The following ZNF469 variants were observed in gnomAD, a reference collection of about 807,000 sequenced individuals.
ZNF469 encodes the protein zinc finger protein 469.
In ZNF469, 1 loss-of-function variant was observed where a neutral mutation model predicts 1.0. That is an observed-to-expected ratio of 1.00 (90% CI 0.35 to 4.73). The LOEUF (loss-of-function observed/expected upper bound fraction) is 4.73. Ranked by LOEUF, ZNF469 falls within the 30% of genes most tolerant of loss-of-function variation. ZNF469 has a pLI of 0.16. For synonymous variants in ZNF469, 2,703 were observed against 2,363.4 expected, an observed-to-expected ratio of 1.14 and a Z score of -4.17; for missense variants, 6,100 against 5,356.3, an observed-to-expected ratio of 1.14 and a Z score of -4.33.
chr16:88,106,174 G>A, the ZNF469 span, among the ~76,000 whole-genome samples: 19 of 152,306 alleles, frequency 1.2e-4, no homozygotes, highest in African/African-American at 2.2e-4. Context: ...TGTGGCGGGC[G>A]CCAGCAGGCC....
At chr16:88,297,145 A>C in the ZNF469 span, among the ~76,000 whole-genome samples, 3 of 152,216 alleles carry the variant, frequency 2.0e-5, no homozygotes, top group Admixed American at 2.0e-4. Context: ...CTAGCCTCGA[A>C]ACCTGCATTC....
the ZNF469 span, among the ~76,000 whole-genome samples, chr16:88,246,132 A>G: frequency 6.6e-6 from 1 of 152,346 alleles, no homozygotes; most frequent in Middle Eastern, 3.4e-3. Flanking sequence ...TTTGCTCCCC[A>G]TGATGTTCTG....
chr16:88,107,562 C>G, the ZNF469 span, among the ~76,000 whole-genome samples: 1 of 152,234 alleles, frequency 6.6e-6, no homozygotes, highest in Non-Finnish European at 1.5e-5. Context: ...GACACAGAAA[C>G]TGACCATGCC....
At chr16:88,283,272 G>A in the ZNF469 span, among the ~76,000 whole-genome samples, 9 of 151,534 alleles carry the variant, frequency 5.9e-5, no homozygotes, top group Middle Eastern at 3.4e-3. Context: ...TGACTTGTAC[G>A]CTTGTGATGT....
the ZNF469 span, chr16:88,195,238 G>C: frequency 6.6e-6 from 1 of 152,210 alleles, no homozygotes; most frequent in Non-Finnish European, 1.5e-5. Flanking sequence ...AATTTTTACA[G>C]TGTGCACAAA....
At chr16:88,193,288 ATGGTGG>A in the ZNF469 span, among the ~76,000 whole-genome samples, 1 of 105,364 alleles carries the variant, frequency 9.5e-6, no homozygotes, top group African/African-American at 3.8e-5. Context: ...GGTGGTGGAG[ATGGTGG>A]TGGTGGGGTT....
the ZNF469 span, among the ~76,000 whole-genome samples, chr16:88,286,933 CA>C: frequency 6.6e-6 from 1 of 152,172 alleles, no homozygotes; most frequent in African/African-American, 2.4e-5. Flanking sequence ...GGAGCCACAT[CA>C]GGGGGAGTGT....
At chr16:88,131,766 T>C in the ZNF469 span, among the ~76,000 whole-genome samples, 1 of 152,154 alleles carries the variant, frequency 6.6e-6, no homozygotes. Context: ...TGTCCAGGGA[T>C]GGGGTCAGGG....
the ZNF469 span, among the ~76,000 whole-genome samples, chr16:88,284,493 C>T: frequency 6.6e-6 from 1 of 152,046 alleles, no homozygotes; most frequent in Non-Finnish European, 1.5e-5. Context: ...CTGGTGTAAT[C>T]CCAGCTACTT....
upstream of ZNF469, among the ~76,000 whole-genome samples, chr16:88,379,033 A>G (rs1033970887): frequency 2.6e-5 from 4 of 152,168 alleles, no homozygotes; most frequent in East Asian, 1.9e-4. Context: ...TCGAGTGCCA[A>G]TGGCAATTGC....
the ZNF469 span, among the ~76,000 whole-genome samples, chr16:88,203,346 A>C: frequency 6.6e-6 from 1 of 152,202 alleles, no homozygotes; most frequent in African/African-American, 2.4e-5. Flanking sequence ...GCCCTCCCCC[A>C]CCACCGTCAG....
the ZNF469 span, among the ~76,000 whole-genome samples, chr16:88,268,365 C>T: frequency 6.6e-6 from 1 of 152,076 alleles, no homozygotes. Context: ...GTTCTGATTT[C>T]AGTCGTTTTT....
chr16:88,194,594 G>A, the ZNF469 span: 17,412 of 152,312 alleles, frequency 0.11, 1,010 homozygotes, highest in Admixed American at 0.14. Context: ...GGTCCTGGGC[G>A]TGGGGCGGGA....
chr16:88,207,866 C>A, the ZNF469 span, among the ~76,000 whole-genome samples: 1 of 152,000 alleles, frequency 6.6e-6, no homozygotes, highest in East Asian at 1.9e-4. Flanking sequence ...ATCTCGATCC[C>A]ATCTGCAAAG....
the ZNF469 span, among the ~76,000 whole-genome samples, chr16:88,229,029 G>A: frequency 6.6e-6 from 1 of 152,078 alleles, no homozygotes; most frequent in Non-Finnish European, 1.5e-5. Flanking sequence ...TGCAGTCCAC[G>A]GTCAACAAAC....
the ZNF469 span, among the ~76,000 whole-genome samples, chr16:88,143,754 G>A: frequency 2.2e-4 from 33 of 152,360 alleles, no homozygotes; most frequent in African/African-American, 6.7e-4. Flanking sequence ...GCAGCCTTGC[G>A]GGGAGCGGTC....
the ZNF469 span, chr16:88,276,695 T>G: frequency 2.0e-5 from 3 of 152,234 alleles, no homozygotes; most frequent in Non-Finnish European, 4.4e-5. Flanking sequence ...AGTACTGGAA[T>G]CATAGCAGTG....
chr16:88,141,045 G>T, the ZNF469 span, among the ~76,000 whole-genome samples: 4 of 152,188 alleles, frequency 2.6e-5, no homozygotes, highest in Admixed American at 2.6e-4. Flanking sequence ...GAATCATTCA[G>T]AGGCATCGTT....
the ZNF469 span, among the ~76,000 whole-genome samples, chr16:88,137,962 G>A: frequency 9.2e-5 from 14 of 152,238 alleles, no homozygotes; most frequent in Admixed American, 3.3e-4. Context: ...CGATAGAGCC[G>A]GGTTAAAGCA....
Sources: allele counts gnomAD v4.1 joint callset (sites outside exome capture counted in the v4.1 genomes callset), GRCh38; gene constraint gnomAD v4.1.1; transcripts MANE v1.5; gene names NCBI Gene and HGNC (gene_info 2026-07-23, HGNC 2026-07-21).